Variants in IL1RAPL2 observed in about 807,000 individuals in gnomAD.
IL1RAPL2 encodes the protein interleukin 1 receptor accessory protein like 2.
In IL1RAPL2, 3 loss-of-function variants were observed where a neutral mutation model predicts 44.1. The ratio of observed to expected loss-of-function variants is 0.07; its 90% CI spans 0.03 to 0.18. The LOEUF (loss-of-function observed/expected upper bound fraction) is 0.18. Ranked by LOEUF, IL1RAPL2 falls within the 10% of genes least tolerant of loss-of-function variation. The pLI, the probability that IL1RAPL2 is intolerant of heterozygous loss-of-function variation, is 1.00. For synonymous variants in IL1RAPL2, 181 were observed against 178.8 expected (o/e 1.01, Z -0.10); for missense variants, 391 against 496.4 (o/e 0.79, Z 2.02).
chrX:105,467,212 G>C (rs1303833093), intron 5 of IL1RAPL2, among the ~76,000 whole-genome samples: 1 of 111,768 alleles, frequency 8.9e-6, no homozygotes, highest in Non-Finnish European at 1.9e-5. Flanking sequence ...ACAGGGTATT[G>C]TCTCTGAGAT....
chrX:105,403,840 A>G (rs1217182834), intron 5 of IL1RAPL2, among the ~76,000 whole-genome samples: 1 of 111,351 alleles, frequency 9.0e-6, no homozygotes, highest in Non-Finnish European at 1.9e-5. Context: ...CACACCTCCA[A>G]ACGGCCATTA....
At chrX:105,377,532 T>C (rs2035397409) in intron 5 of IL1RAPL2, among the ~76,000 whole-genome samples, 1 of 111,280 alleles carries the variant, frequency 9.0e-6, no homozygotes, top group African/African-American at 3.3e-5. Context: ...TTGAAAGTCA[T>C]GCTAGTTAGA....
intron 2 of IL1RAPL2, among the ~76,000 whole-genome samples, chrX:104,890,808 T>A (rs1317274163): frequency 1.8e-5 from 2 of 111,981 alleles, no homozygotes; most frequent in African/African-American, 6.5e-5. Flanking sequence ...TTTAATTAGA[T>A]CCCATTTGTC....
chrX:105,041,918 C>T (rs148405639), intron 2 of IL1RAPL2, among the ~76,000 whole-genome samples: 2,572 of 110,460 alleles, frequency 0.023, 64 homozygotes, highest in African/African-American at 0.081. Flanking sequence ...TCAGAAATAA[C>T]GCCGCATATC....
intron 5 of IL1RAPL2, among the ~76,000 whole-genome samples, chrX:105,409,336 C>CT (rs756722297): frequency 2.3e-4 from 26 of 111,356 alleles, no homozygotes; most frequent in Admixed American, 7.7e-4. Flanking sequence ...GTTAGGTGTT[C>CT]TTTAAAAAAA....
intron 5 of IL1RAPL2, among the ~76,000 whole-genome samples, chrX:105,483,075 A>G (rs1235893991): frequency 2.8e-5 from 3 of 106,714 alleles, no homozygotes; most frequent in African/African-American, 1.0e-4. Flanking sequence ...CCAAACTCCA[A>G]CCTGGTGTGA....
At chrX:105,250,622 CA>C (rs1157064148) in intron 4 of IL1RAPL2, among the ~76,000 whole-genome samples, 1 of 110,531 alleles carries the variant, frequency 9.0e-6, no homozygotes, top group African/African-American at 3.3e-5. Context: ...AATGAAGAGA[CA>C]ACATGTTTCT....
chrX:105,434,481 A>G (rs1430959281), intron 5 of IL1RAPL2, among the ~76,000 whole-genome samples: 4 of 112,497 alleles, frequency 3.6e-5, no homozygotes, highest in Non-Finnish European at 5.6e-5. Context: ...GAATGAATTT[A>G]AAAAATTGTG....
chrX:105,104,440 A>T (rs140713805), intron 2 of IL1RAPL2, among the ~76,000 whole-genome samples: 172 of 111,814 alleles, frequency 1.5e-3, no homozygotes, highest in Non-Finnish European at 3.0e-3. Context: ...GTAAGGAACA[A>T]ATTTATTGAA....
chrX:105,174,546 T>C (rs1049493027), intron 2 of IL1RAPL2, among the ~76,000 whole-genome samples: 1 of 111,721 alleles, frequency 9.0e-6, no homozygotes, highest in Non-Finnish European at 1.9e-5. Flanking sequence ...AGGAAGAGTA[T>C]CTTTCTTTAC....
At chrX:104,838,036 G>C (rs1434307054) in intron 2 of IL1RAPL2, among the ~76,000 whole-genome samples, 1 of 111,696 alleles carries the variant, frequency 9.0e-6, no homozygotes, top group South Asian at 3.7e-4. Flanking sequence ...CCAGTTGGTT[G>C]TAAGTGTATC....
intron 2 of IL1RAPL2, among the ~76,000 whole-genome samples, chrX:105,071,019 G>T (rs2032200534): frequency 9.0e-6 from 1 of 111,279 alleles, no homozygotes; most frequent in Non-Finnish European, 1.9e-5. Context: ...GTCACTGAGG[G>T]ACTAAATTTT....
chrX:104,619,199 T>C (rs898902142), intron 1 of IL1RAPL2, among the ~76,000 whole-genome samples: 7 of 112,265 alleles, frequency 6.2e-5, no homozygotes, highest in African/African-American at 2.3e-4. Context: ...GCAATGCCTG[T>C]GTGGTCATGC....
intron 6 of IL1RAPL2, among the ~76,000 whole-genome samples, chrX:105,680,923 A>G (rs1214409178): frequency 8.9e-6 from 1 of 111,978 alleles, no homozygotes; most frequent in Non-Finnish European, 1.9e-5. Context: ...CCTAGAGGAA[A>G]CCATCTATAT....
At chrX:104,960,070 C>A (rs1217169695) in intron 2 of IL1RAPL2, among the ~76,000 whole-genome samples, 1 of 111,640 alleles carries the variant, frequency 9.0e-6, no homozygotes, top group Non-Finnish European at 1.9e-5. Context: ...TATTTTTTAT[C>A]CTGCAGAGTA....
chrX:105,179,267 T>C (rs2033505292), intron 2 of IL1RAPL2, among the ~76,000 whole-genome samples: 1 of 112,407 alleles, frequency 8.9e-6, no homozygotes, highest in South Asian at 3.7e-4. Flanking sequence ...CAATATAAGT[T>C]CCTGTTGGCT....
chrX:105,699,030 G>A (rs746498283), intron 6 of IL1RAPL2, among the ~76,000 whole-genome samples: 12 of 111,713 alleles, frequency 1.1e-4, no homozygotes, highest in Admixed American at 3.8e-4. Context: ...ATTGAAGTAT[G>A]TCAGGCAGTT....
intron 6 of IL1RAPL2, among the ~76,000 whole-genome samples, chrX:105,506,278 G>A (rs914802408): frequency 9.0e-6 from 1 of 111,297 alleles, no homozygotes; most frequent in African/African-American, 3.3e-5. Context: ...TGATGCCATG[G>A]GTGTCCAGGT....
chrX:105,762,069 T>C (rs1410833430), intron 10 of IL1RAPL2, among the ~76,000 whole-genome samples: 1 of 111,791 alleles, frequency 8.9e-6, no homozygotes, highest in Non-Finnish European at 1.9e-5. Context: ...TTTGGAAAAG[T>C]GTATGTTTCC....
Sources: allele counts gnomAD v4.1 joint callset (sites outside exome capture counted in the v4.1 genomes callset), GRCh38; gene constraint gnomAD v4.1.1; transcripts MANE v1.5; gene names NCBI Gene and HGNC (gene_info 2026-07-23, HGNC 2026-07-21).